The following TPM4 variants were observed in gnomAD, a reference collection of about 807,000 sequenced individuals.
The protein encoded by TPM4 is tropomyosin alpha-4 chain.
Under a neutral mutation model 35.8 loss-of-function variants are expected in TPM4, and 17 were observed. The observed-to-expected ratio is 0.47, with a 90% CI of 0.32 to 0.71. TPM4 has a LOEUF of 0.71. Among genes scored for constraint, TPM4 ranks in the 30% least tolerant of loss-of-function variants. The pLI is 0.03. For synonymous variants in TPM4, 120 were observed against 122.9 expected (o/e 0.98, Z 0.15); for missense variants, 240 against 320.9 (o/e 0.75, Z 1.93).
Position 16,101,910 on chromosome 19 carries a change from A to C in TPM4, c.*564A>C. On this transcript the variant is annotated 3_prime_UTR_variant, in exon 8 of 8. Transcript: ENST00000643579. ...AACCTAAGAATCCTGGCCCTTCTCC[A>C]CTCTCCACCATGCAGGACAAACATC... The C allele has an allele frequency of 4.4e-6, 1 of 225,930 alleles. No homozygotes were observed. The highest frequency in any genetic ancestry group is 6.4e-5 in the East Asian group (1 of 15,680). The allele number at this position is 225,930 out of a possible 1,614,324, so 14.0% of individuals were successfully genotyped here.
chr19:16,076,003 A>T, upstream of TPM4: 9 of 1,406,968 alleles, frequency 6.4e-6, no homozygotes, highest in Non-Finnish European at 6.7e-6. Flanking sequence ...CGGGGACGTG[A>T]CCCCCCCCCC....
chr19:16,084,383 A>AG (rs972324291), intron 2 of TPM4, among the ~76,000 whole-genome samples: 1 of 152,224 alleles, frequency 6.6e-6, no homozygotes, highest in African/African-American at 2.4e-5. Context: ...CACTGAATCA[A>AG]GGGAGAGAGT....
In TPM4 at chr19:16,089,060, GGAA is replaced by G; in HGVS notation, c.478_480del (p.Glu160del). 1 of 1,614,110 alleles carries G rather than the reference GGAA, an allele frequency of 6.2e-7. No homozygotes were observed. The highest frequency in any genetic ancestry group is 8.5e-7 in the Non-Finnish European group (1 of 1,179,998). ...CTTTGTGCAGAAAATGTGGTGACCT[GGAA>G]GAAGAACTCAAGAATGTTACTAACA... is the stretch of plus-strand genomic sequence containing the variant. On this transcript the variant is annotated inframe_deletion, in exon 5 of 8. Coordinates refer to ENST00000643579, the MANE Select transcript of TPM4 (RefSeq NM_003290.3).
At chr19:16,079,537 A>G (rs985602619) in intron 1 of TPM4, among the ~76,000 whole-genome samples, 4 of 152,154 alleles carry the variant, frequency 2.6e-5, no homozygotes, top group Non-Finnish European at 5.9e-5. Flanking sequence ...TTCAGAGGAC[A>G]CTGCAATACG....
intron 5 of TPM4, among the ~76,000 whole-genome samples, chr19:16,089,883 G>A (rs750905542): frequency 6.6e-6 from 1 of 151,044 alleles, no homozygotes; most frequent in Non-Finnish European, 1.5e-5. Flanking sequence ...TTTTGAGACA[G>A]GGTCTCACTC....
intron 1 of TPM4, chr19:16,081,150 G>A (rs17795627): frequency 0.057 from 22,553 of 398,040 alleles, 911 homozygotes; most frequent in South Asian, 0.23. Context: ...GAATGGGAGC[G>A]GAACTCACAG....
chr19:16,076,097 C>A, upstream of TPM4: 1 of 1,602,378 alleles, frequency 6.2e-7, no homozygotes, highest in Non-Finnish European at 8.5e-7. Flanking sequence ...GGACAGAGGA[C>A]GAGCTGGATA....
At chr19:16,084,683 T>C (rs1276092815) in intron 2 of TPM4, among the ~76,000 whole-genome samples, 2 of 152,204 alleles carry the variant, frequency 1.3e-5, no homozygotes, top group African/African-American at 4.8e-5. Flanking sequence ...ACTGGCACTT[T>C]CTATGGAGCC....
chr19:16,078,551 G>T (rs142867458), intron 1 of TPM4, among the ~76,000 whole-genome samples: 1 of 152,302 alleles, frequency 6.6e-6, no homozygotes, highest in African/African-American at 2.4e-5. Context: ...ATCGGTAGCC[G>T]GTCTGGCCTC....
In TPM4 at chr19:16,076,640, A is replaced by G; in HGVS notation, c.75A>G (p.Glu25=). The G allele has an allele frequency of 6.9e-7, 1 of 1,453,804 alleles. No homozygotes were observed. The highest frequency in any genetic ancestry group is 9.0e-7 in the Non-Finnish European group (1 of 1,108,558). The allele number at this position is 1,453,804 out of a possible 1,614,324, so 90.1% of individuals were successfully genotyped here. A position where few individuals can be genotyped will look rare whatever the true frequency, so the allele number is the denominator to read the frequency against. The change falls in exon 1 of 8, where the codon GAA becomes GAG. Residue 25 remains glutamate, a synonymous_variant. Coordinates refer to ENST00000643579, the MANE Select transcript of TPM4 (RefSeq NM_003290.3). ...TGCAGCAGCAGGCGGACGAGGCGGAAGACCGCGCGCAGGGCCTGCAGCGGG... is the reference window on the plus strand; with the variant it reads ...TGCAGCAGCAGGCGGACGAGGCGGAGGACCGCGCGCAGGGCCTGCAGCGGG... ...QALQQQADEA[E]DRAQGLQREL...
chr19:16,076,963 G>A (rs895679874), intron 1 of TPM4: 3 of 563,870 alleles, frequency 5.3e-6, no homozygotes, highest in Non-Finnish European at 7.6e-6. Flanking sequence ...GGGGGGATGG[G>A]GCGGAGGGGG....
chr19:16,089,019 C>T (rs758336781), intron 4 of TPM4, 26 bp from the exon 5 acceptor site: 7 of 1,613,582 alleles, frequency 4.3e-6, no homozygotes, highest in African/African-American at 1.3e-5. Flanking sequence ...GAAGATAAGA[C>T]ACAAAAATCC....
chr19:16,068,454 G>A (rs1320627129), intron 2 of TPM4, among the ~76,000 whole-genome samples: 2 of 152,234 alleles, frequency 1.3e-5, no homozygotes, highest in East Asian at 3.9e-4. Flanking sequence ...GGGATTACAG[G>A]CATGAGCCAC....
chr19:16,088,332 T>C (rs978752950), intron 4 of TPM4: 16 of 1,353,200 alleles, frequency 1.2e-5, no homozygotes, highest in African/African-American at 4.4e-5. Context: ...TATGAGGAAA[T>C]AGGAGTGAGA....
upstream of TPM4, chr19:16,075,684 A>G: frequency 5.1e-6 from 1 of 194,864 alleles, no homozygotes; most frequent in Non-Finnish European, 1.1e-5. Flanking sequence ...CGCGCAGAGA[A>G]TGAGATTGCT....
upstream of TPM4, among the ~76,000 whole-genome samples, chr19:16,073,963 C>CAAA (rs34116610): frequency 2.2e-4 from 16 of 71,880 alleles, no homozygotes; most frequent in African/African-American, 3.4e-4. Flanking sequence ...AAAAAAAACG[C>CAAA]AAAAAAAAAA....
chr19:16,090,966 G>A (rs2090619462), intron 5 of TPM4, among the ~76,000 whole-genome samples: 1 of 151,576 alleles, frequency 6.6e-6, no homozygotes, highest in Non-Finnish European at 1.5e-5. Context: ...ACTAGGATGT[G>A]TAAGGAATGA....
chr19:16,069,527 G>T lies in TPM4; in HGVS notation c.114+1789G>T, dbSNP rs1242114564. 5.3e-3 allele frequency among the ~76,000 whole-genome samples: 6 copies of T among 1,138 alleles called. 1 individual carries two copies. Among genetic ancestry groups the T allele is most frequent in the African/African-American group, 0.011 (2 of 180 alleles). The allele number at this position is 1,138 out of a possible 152,430, so 0.7% of individuals were successfully genotyped here. A position where few individuals can be genotyped will look rare whatever the true frequency, so the allele number is the denominator to read the frequency against. ...TGTATGATTGTGTGTTTCTATTGGT[G>T]TGTATGTGTGTTGTGTGTGGATGAG... On this transcript the variant is annotated intron_variant, in intron 2 of 2. Transcript: ENST00000589897.
At chr19:16,086,137 G>T (rs541863224) in intron 2 of TPM4, among the ~76,000 whole-genome samples, 1 of 150,072 alleles carries the variant, frequency 6.7e-6, no homozygotes, top group African/African-American at 2.5e-5. Flanking sequence ...GTGTGTTACA[G>T]TGCTCAGTAG....
Sources: allele counts gnomAD v4.1 joint callset (sites outside exome capture counted in the v4.1 genomes callset), GRCh38; gene constraint gnomAD v4.1.1; transcripts MANE v1.5; gene names NCBI Gene and HGNC (gene_info 2026-07-23, HGNC 2026-07-21).